The following TMEM117 variants were observed in gnomAD, a reference collection of about 807,000 sequenced individuals.
The protein encoded by TMEM117 is transmembrane protein 117.
In TMEM117, 27 loss-of-function variants were observed where a neutral mutation model predicts 52.4. That is an observed-to-expected ratio of 0.51 (90% CI 0.38 to 0.71). TMEM117 has a LOEUF of 0.71. Ranked by LOEUF, TMEM117 falls within the 30% of genes least tolerant of loss-of-function variation. The pLI is 0.00. For missense variants in TMEM117, 556 were observed against 630.5 expected, an observed-to-expected ratio of 0.88 and a Z score of 1.26; for synonymous variants, 215 against 206.3, an observed-to-expected ratio of 1.04 and a Z score of -0.36.
intron 2 of TMEM117, among the ~76,000 whole-genome samples, chr12:43,888,277 A>G (rs1944033458): frequency 6.6e-6 from 1 of 152,240 alleles, no homozygotes; most frequent in African/African-American, 2.4e-5. Context: ...CTAAAGGCTC[A>G]GTAAAGACTA....
intron 3 of TMEM117, among the ~76,000 whole-genome samples, chr12:44,017,829 G>A (rs1946395983): frequency 6.6e-6 from 1 of 152,102 alleles, no homozygotes; most frequent in Non-Finnish European, 1.5e-5. Context: ...TCTTCAATGT[G>A]TGTTTTGGCT....
chr12:43,949,478 C>G (rs1945186555), intron 3 of TMEM117, among the ~76,000 whole-genome samples: 1 of 152,124 alleles, frequency 6.6e-6, no homozygotes, highest in Non-Finnish European at 1.5e-5. Flanking sequence ...TTTCCCTTAG[C>G]AGTCAAGTGT....
chr12:44,151,246 A>G (rs1472597593), intron 4 of TMEM117, among the ~76,000 whole-genome samples: 2 of 150,638 alleles, frequency 1.3e-5, no homozygotes, highest in Admixed American at 1.3e-4. Flanking sequence ...CTTTATTTCT[A>G]TTACTTAGTT....
intron 6 of TMEM117, among the ~76,000 whole-genome samples, chr12:44,327,974 G>C (rs1250588052): frequency 6.6e-6 from 1 of 152,122 alleles, no homozygotes; most frequent in Admixed American, 6.6e-5. Context: ...TCCAGACCCA[G>C]GCCTGAACTT....
chr12:44,380,941 G>A (rs928945806), intron 7 of TMEM117, among the ~76,000 whole-genome samples: 2 of 152,172 alleles, frequency 1.3e-5, no homozygotes, highest in South Asian at 4.1e-4. Context: ...TCTGTATGTA[G>A]AGGGTTATGA....
chr12:44,385,235 A>T (rs1952072951), intron 7 of TMEM117, among the ~76,000 whole-genome samples: 1 of 152,132 alleles, frequency 6.6e-6, no homozygotes, highest in Admixed American at 6.5e-5. Context: ...GATATCCGTT[A>T]ACTGATGTTA....
intron 6 of TMEM117, among the ~76,000 whole-genome samples, chr12:44,357,409 A>G (rs1337421476): frequency 6.6e-6 from 1 of 152,084 alleles, no homozygotes; most frequent in African/African-American, 2.4e-5. Context: ...ATGGGTATAG[A>G]ATAAGTGTTG....
the TMEM117 span, among the ~76,000 whole-genome samples, chr12:44,398,337 G>A: frequency 2.0e-5 from 3 of 152,080 alleles, no homozygotes; most frequent in African/African-American, 7.3e-5. Context: ...GGAGCTGGCA[G>A]GGTGTTGTCA....
intron 3 of TMEM117, among the ~76,000 whole-genome samples, chr12:44,029,084 G>T (rs185737279): frequency 6.6e-6 from 1 of 152,186 alleles, no homozygotes; most frequent in Non-Finnish European, 1.5e-5. Flanking sequence ...AATTAGGTTA[G>T]AGGCTTAACT....
At chr12:44,283,091 G>T (rs1351378482) in intron 5 of TMEM117, among the ~76,000 whole-genome samples, 2 of 152,266 alleles carry the variant, frequency 1.3e-5, no homozygotes, top group Non-Finnish European at 2.9e-5. Flanking sequence ...ACTCCGCCTA[G>T]ATTTCAGAAG....
rs778686233 is a variant in TMEM117, at chr12:44,388,649, T to G, written c.1522T>G (p.Ser508Ala). 1.2e-6 allele frequency: 2 copies of G among 1,613,186 alleles called. No individual in the cohort carries two copies. The highest frequency in any genetic ancestry group is 3.3e-5 in the Admixed American group (2 of 59,930). The change falls in exon 8 of 8, where the codon TCT becomes GCT. Residue 508 changes from serine to alanine, a missense_variant. This residue lies in a region of TMEM117 where 206 missense variants were observed against 211.1 expected (regional missense o/e 0.98). Transcript: ENST00000266534. ...ATEADQDPTT[S>A]KSTPTN Reference sequence around the variant, plus strand: ...AGAAGCTGATCAAGACCCAACGACTTCTAAAAGTACACCTACGAACTAGAC... The same window carrying G: ...AGAAGCTGATCAAGACCCAACGACTGCTAAAAGTACACCTACGAACTAGAC...
chr12:44,314,938 G>T (rs73276252), intron 6 of TMEM117, among the ~76,000 whole-genome samples: 13 of 152,154 alleles, frequency 8.5e-5, no homozygotes, highest in Admixed American at 2.6e-4. Flanking sequence ...TTGTAACTGG[G>T]TATTGGTATG....
chr12:43,844,449 G>A (rs1943165891), intron 1 of TMEM117, among the ~76,000 whole-genome samples, 175 bp from the exon 2 acceptor site: 1 of 152,192 alleles, frequency 6.6e-6, no homozygotes, highest in Non-Finnish European at 1.5e-5. Context: ...AGATGTTAGG[G>A]AAGGGACAGT....
chr12:44,028,886 G>C (rs1946585544), intron 3 of TMEM117, among the ~76,000 whole-genome samples: 1 of 152,070 alleles, frequency 6.6e-6, no homozygotes, highest in Non-Finnish European at 1.5e-5. Flanking sequence ...ACATCTTTCT[G>C]GTGACCATGG....
At chr12:44,181,834 C>A (rs1294682158) in intron 4 of TMEM117, among the ~76,000 whole-genome samples, 2 of 150,892 alleles carry the variant, frequency 1.3e-5, no homozygotes, top group African/African-American at 2.4e-5. Flanking sequence ...CTTGGCGATG[C>A]GGGCTCTTTT....
At chr12:43,831,525 T>C (rs1227767788), upstream of TMEM117, among the ~76,000 whole-genome samples, 3 of 151,334 alleles carry the variant, frequency 2.0e-5, no homozygotes, top group African/African-American at 7.3e-5. Context: ...AAAAACATCA[T>C]GTCTCATGTG....
chr12:44,296,163 G>A (rs993301256), intron 5 of TMEM117, among the ~76,000 whole-genome samples: 4 of 152,134 alleles, frequency 2.6e-5, no homozygotes, highest in Admixed American at 6.5e-5. Context: ...CTAGGGCAAG[G>A]GTGTGCTTTA....
chr12:43,848,358 T>A (rs1943247588), intron 2 of TMEM117, among the ~76,000 whole-genome samples: 1 of 152,076 alleles, frequency 6.6e-6, no homozygotes, highest in Admixed American at 6.5e-5. Context: ...TCAGTCCTTA[T>A]CTCAACTGCA....
intron 3 of TMEM117, among the ~76,000 whole-genome samples, chr12:43,971,233 T>G (rs1945581389): frequency 6.6e-6 from 1 of 152,222 alleles, no homozygotes; most frequent in African/African-American, 2.4e-5. Context: ...CTTGGATTAC[T>G]GCAACAATTG....
Sources: gnomAD v4.1 joint callset for allele counts (sites outside exome capture counted in the v4.1 genomes callset) on GRCh38, gnomAD v4.1.1 for gene constraint, gnomAD v4.1.1 regional missense constraint, MANE v1.5 for transcripts, NCBI Gene and HGNC (gene_info 2026-07-23, HGNC 2026-07-21) for gene names.